CENPU: variants seen among roughly 807,000 people sequenced by gnomAD.
The protein encoded by CENPU is centromere protein U, also known as KSHV latent nuclear antigen interacting protein 1.
In CENPU, 46 loss-of-function variants were observed where a neutral mutation model predicts 56.7. The observed-to-expected ratio is 0.81, with a 90% confidence interval of 0.64 to 1.04. CENPU has a LOEUF of 1.04. CENPU is among the 50% of genes least tolerant of loss of function. The pLI is 0.00. For missense variants in CENPU, 510 were observed against 490.1 expected, an observed-to-expected ratio of 1.04 and a Z score of -0.38; for synonymous variants, 166 against 163.0, an observed-to-expected ratio of 1.02 and a Z score of -0.14.
At chr4:184,731,755 T>G (rs1030021852) in intron 1 of CENPU, among the ~76,000 whole-genome samples, 4 of 152,218 alleles carry the variant, frequency 2.6e-5, no homozygotes, top group African/African-American at 9.6e-5. Flanking sequence ...TTTTCTCATT[T>G]GTAGACAGCA....
chr4:184,702,066 C>T lies in CENPU; in HGVS notation c.924+23G>A, dbSNP rs375173888. The T allele has an allele frequency of 1.0e-5, 16 of 1,526,130 alleles. No homozygotes were observed. The African/African-American group carries it at 2.2e-4, about 21-fold the overall frequency. 94.5% of individuals were successfully genotyped at this position (1,526,130 alleles called of 1,614,324 possible). A position where few individuals can be genotyped will look rare whatever the true frequency, so the allele number is the denominator to read the frequency against. ...ATTAGTATTGTGTTTGACTCTATGA[C>T]TCTAATCACATAAATAATTTACCTT... On this transcript the variant is annotated intron_variant, in intron 10 of 12. Coordinates refer to ENST00000281453, the MANE Select transcript of CENPU (RefSeq NM_024629.4).
At chr4:184,699,415 C>T (rs1235895610) in intron 11 of CENPU, among the ~76,000 whole-genome samples, 3 of 152,230 alleles carry the variant, frequency 2.0e-5, no homozygotes, top group Non-Finnish European at 2.9e-5. Context: ...CACGGCCTGA[C>T]TGTAGCTATA....
intron 2 of CENPU, 40 bp downstream of exon 2, chr4:184,730,880 G>A (rs1188016487): frequency 4.6e-6 from 7 of 1,518,156 alleles, no homozygotes; most frequent in Middle Eastern, 3.4e-4. Flanking sequence ...ATTTTGTACT[G>A]TCAATTTTGA....
intron 2 of CENPU, among the ~76,000 whole-genome samples, chr4:184,730,022 G>A (rs1376115459): frequency 6.6e-6 from 1 of 152,220 alleles, no homozygotes; most frequent in African/African-American, 2.4e-5. Flanking sequence ...GCTTGGGGGT[G>A]GAATGTGGAG....
At chr4:184,715,935 TTG>T (rs1234604952) in intron 6 of CENPU, among the ~76,000 whole-genome samples, 69 of 121,720 alleles carry the variant, frequency 5.7e-4, no homozygotes, top group African/African-American at 2.3e-3. Flanking sequence ...AGCTTTTTTT[TTG>T]TTTTTTTTTT....
chr4:184,726,335 C>G (rs931963695), intron 3 of CENPU, among the ~76,000 whole-genome samples: 1 of 151,162 alleles, frequency 6.6e-6, no homozygotes, highest in Non-Finnish European at 1.5e-5. Flanking sequence ...AAAGAATATA[C>G]AAATGGCCAA....
chr4:184,733,509 A>C, intron 1 of CENPU: 1 of 766,228 alleles, frequency 1.3e-6, no homozygotes, highest in Non-Finnish European at 1.6e-6. Flanking sequence ...TTTGGTAAAC[A>C]AAAACCGCTC....
intron 2 of CENPU, 74 bp downstream of exon 2, chr4:184,730,846 A>G (rs940594131): frequency 8.3e-7 from 1 of 1,200,894 alleles, no homozygotes; most frequent in Admixed American, 2.7e-5. Flanking sequence ...GAAGTCTACA[A>G]AACTGAGGTA....
In CENPU at chr4:184,731,069, A is replaced by C. The variant is rs943153650; in HGVS notation, c.48-101T>G. 7.0e-5 allele frequency: 44 copies of C among 626,916 alleles called. 2 individuals are homozygous for C. The Admixed American group carries it at 2.2e-3, about 31-fold the overall frequency. The allele number at this position is 626,916 out of a possible 1,614,324, so 38.8% of individuals were successfully genotyped here. ...TCCGCGCATTTTTACCAAAAAAAAAAACAAGAACCCATATTCCACAAATTT... is the reference window on the plus strand; with the variant it reads ...TCCGCGCATTTTTACCAAAAAAAAACACAAGAACCCATATTCCACAAATTT... On this transcript the variant is annotated intron_variant, in intron 1 of 12. Transcript: ENST00000281453.
Position 184,729,055 on chromosome 4 carries a change from A to C in CENPU, c.97-20T>G, listed in dbSNP as rs767760123. The C allele has an allele frequency of 3.2e-6, 5 of 1,565,958 alleles. No homozygotes were observed. Among genetic ancestry groups the C allele is most frequent in the Non-Finnish European group, 4.4e-6 (5 of 1,138,362 alleles). On this transcript the variant is annotated intron_variant, in intron 2 of 12. Coordinates refer to ENST00000281453, the MANE Select transcript of CENPU (RefSeq NM_024629.4). ...AGCTTTCTAAAAGTGAATAAAGTTGAGTCATTGAGTTGGCTCTCACAAAGA... is the reference window on the plus strand; with the variant it reads ...AGCTTTCTAAAAGTGAATAAAGTTGCGTCATTGAGTTGGCTCTCACAAAGA...
intron 6 of CENPU, among the ~76,000 whole-genome samples, chr4:184,714,652 A>T (rs1761030004): frequency 6.6e-6 from 1 of 152,194 alleles, no homozygotes; most frequent in African/African-American, 2.4e-5. Context: ...ACTGAAAAAA[A>T]TTTTAAAAGG....
intron 11 of CENPU, 120 bp from the exon 12 acceptor site, chr4:184,697,923 G>A: frequency 1.5e-6 from 1 of 657,230 alleles, no homozygotes; most frequent in Non-Finnish European, 2.5e-6. Context: ...GACTTGCTTT[G>A]GCTCTGAAAC....
At chr4:184,733,958 G>A (rs1291688264) in intron 1 of CENPU, 58 bp downstream of exon 1, 5 of 1,606,400 alleles carry the variant, frequency 3.1e-6, no homozygotes, top group East Asian at 4.5e-5. Context: ...CACGGCAGGC[G>A]AGGAAGCAGT....
Position 184,715,110 on chromosome 4 carries a change from T to C in CENPU, c.618+1287A>G, listed in dbSNP as rs537689076. Among the ~76,000 whole-genome samples the C allele has an allele frequency of 3.3e-5, 5 of 152,288 alleles. No homozygotes were observed. In the East Asian group the frequency reaches 9.6e-4, roughly 29 times the overall value. ...CATGTACAAAAGGAAATTTGAAGGA[T>C]ATATAAGAAACTATACGGTTACCTG... On this transcript the variant is annotated intron_variant, in intron 6 of 12. Transcript: ENST00000281453.
At chr4:184,716,783 T>G in intron 5 of CENPU, 150 bp from the exon 6 acceptor site, 1 of 658,566 alleles carries the variant, frequency 1.5e-6, no homozygotes, top group Non-Finnish European at 2.6e-6. Flanking sequence ...ACTTAATTAG[T>G]GGATAGGACA....
intron 1 of CENPU, 21 bp from the exon 2 acceptor site, chr4:184,730,989 A>C (rs1292736722): frequency 6.4e-7 from 1 of 1,559,172 alleles, no homozygotes; most frequent in African/African-American, 1.4e-5. Context: ...GCAAAAAAAC[A>C]CAAGAGTTAG....
intron 3 of CENPU, among the ~76,000 whole-genome samples, chr4:184,727,619 A>G (rs1033749383): frequency 4.6e-5 from 7 of 152,152 alleles, no homozygotes; most frequent in Non-Finnish European, 8.8e-5. Flanking sequence ...TTAAAAATAG[A>G]ATTACCATAG....
At position 184,733,947 on chromosome 4, in the gene CENPU, C is replaced by G. The variant is rs1443777260; in HGVS notation, c.47+69G>C. On this transcript the variant is annotated intron_variant, in intron 1 of 12. Coordinates refer to ENST00000281453, the MANE Select transcript of CENPU (RefSeq NM_024629.4). The stretch of plus-strand genomic sequence containing the variant: ...CACCAACAGCGCCGGGAGGCGCAAA[C>G]CACGGCAGGCGAGGAAGCAGTTCAA... 4 of 1,602,828 alleles carry G rather than the reference C, an allele frequency of 2.5e-6. No homozygotes were observed. In the African/African-American group the frequency reaches 5.4e-5, roughly 21 times the overall value.
intron 1 of CENPU, chr4:184,733,329 G>C: frequency 1.0e-6 from 1 of 986,244 alleles, no homozygotes; most frequent in Non-Finnish European, 1.2e-6. Context: ...CCAGGCCCGG[G>C]GGAACTCCTG....
Sources: allele counts gnomAD v4.1 joint callset (sites outside exome capture counted in the v4.1 genomes callset), GRCh38; gene constraint gnomAD v4.1.1; transcripts MANE v1.5; gene names NCBI Gene and HGNC (gene_info 2026-07-23, HGNC 2026-07-21).